CERT1: variants seen among roughly 807,000 people sequenced by gnomAD.
CERT1 encodes the protein ceramide transporter 1, also known as ceramide transfer protein.
Under a neutral mutation model 87.9 loss-of-function variants are expected in CERT1, and 31 were observed. The observed-to-expected ratio is 0.35, with a 90% CI of 0.27 to 0.48. CERT1 has a LOEUF of 0.48. Ranked by LOEUF, CERT1 falls within the 20% of genes least tolerant of loss-of-function variation. CERT1 has a pLI of 0.99. For missense variants in CERT1, 487 were observed against 758.0 expected, an observed-to-expected ratio of 0.64 and a Z score of 4.20; for synonymous variants, 289 against 250.9, an observed-to-expected ratio of 1.15 and a Z score of -1.44.
intron 5 of CERT1, among the ~76,000 whole-genome samples, chr5:75,421,572 T>C (rs1344704543): frequency 6.6e-6 from 1 of 152,154 alleles, no homozygotes; most frequent in Non-Finnish European, 1.5e-5. Flanking sequence ...ATGAGTAAGA[T>C]CTCATATGCT....
chr5:75,388,442 T>C (rs2112025734), intron 12 of CERT1, among the ~76,000 whole-genome samples: 1 of 151,958 alleles, frequency 6.6e-6, no homozygotes, highest in African/African-American at 2.4e-5. Flanking sequence ...GTCACAACTT[T>C]CTTTTTAATT....
chr5:75,479,513 C>A (rs1766127574), intron 2 of CERT1, among the ~76,000 whole-genome samples: 1 of 152,120 alleles, frequency 6.6e-6, no homozygotes, highest in Non-Finnish European at 1.5e-5. Context: ...GAGTTCCCAC[C>A]ATTTAGTTCC....
At chr5:75,477,417 T>G (rs1263534305) in intron 2 of CERT1, among the ~76,000 whole-genome samples, 2 of 151,884 alleles carry the variant, frequency 1.3e-5, no homozygotes, top group African/African-American at 4.8e-5. Flanking sequence ...GGTTTTCTAC[T>G]CTCTGTTGTG....
intron 2 of CERT1, among the ~76,000 whole-genome samples, chr5:75,461,414 G>A (rs1227749325): frequency 1.3e-5 from 2 of 152,120 alleles, no homozygotes; most frequent in Non-Finnish European, 2.9e-5. Context: ...CCCACTACAT[G>A]GAAAAATTGT....
chr5:75,437,753 G>A (rs1328829351), intron 3 of CERT1, among the ~76,000 whole-genome samples: 2 of 143,786 alleles, frequency 1.4e-5, no homozygotes, highest in Non-Finnish European at 3.0e-5. Flanking sequence ...GCAACAGAGT[G>A]AGACTCTGTC....
chr5:75,438,683 G>A (rs1764191483), intron 3 of CERT1, among the ~76,000 whole-genome samples: 1 of 152,030 alleles, frequency 6.6e-6, no homozygotes, highest in African/African-American at 2.4e-5. Context: ...TACTATAGGA[G>A]TATTTTTCCA....
chr5:75,404,291 T>TAAAA (rs11349407), intron 8 of CERT1, among the ~76,000 whole-genome samples: 210 of 83,610 alleles, frequency 2.5e-3, no homozygotes, highest in Middle Eastern at 8.5e-3. Flanking sequence ...ACCTACTTCA[T>TAAAA]AAAAAAAAAA....
rs368768955 is a variant in CERT1 at position 75,417,931 on chromosome 5, C to G, written c.680-898G>C. 2.6e-5 allele frequency among the ~76,000 whole-genome samples: 4 copies of G among 152,276 alleles called. No individual in the cohort carries two copies. The East Asian group carries it at 7.7e-4, about 29-fold the overall frequency. On this transcript the variant is annotated intron_variant, in intron 6 of 16. Coordinates refer to ENST00000643780, the MANE Select transcript of CERT1 (RefSeq NM_001379029.1). ...CAGCACTTTGGGAGGCCAAGGCGGG[C>G]GGATCACCTGAAGCTGGGAGTTCGA...
At chr5:75,396,382 G>T (rs1021865155) in intron 11 of CERT1, among the ~76,000 whole-genome samples, 1 of 152,072 alleles carries the variant, frequency 6.6e-6, no homozygotes, top group Admixed American at 6.6e-5. Flanking sequence ...AAAGAATTTG[G>T]TTACCTCCCA....
At chr5:75,477,178 G>C (rs1371440903) in intron 2 of CERT1, among the ~76,000 whole-genome samples, 1 of 152,050 alleles carries the variant, frequency 6.6e-6, no homozygotes, top group Non-Finnish European at 1.5e-5. Flanking sequence ...TTTTTATTTG[G>C]AGAGTTGGTT....
At chr5:75,465,115 T>C (rs539132027) in intron 2 of CERT1, among the ~76,000 whole-genome samples, 3 of 152,300 alleles carry the variant, frequency 2.0e-5, no homozygotes, top group African/African-American at 7.2e-5. Context: ...AGTTTATATA[T>C]ACAATTCTGA....
chr5:75,371,730 T>C (rs1053002057), intron 17 of CERT1: 4 of 152,210 alleles, frequency 2.6e-5, no homozygotes, highest in Non-Finnish European at 5.9e-5. Flanking sequence ...GTTTCTAACA[T>C]AGCACAAAAG....
chr5:75,433,928 A>T (rs1303894578), intron 3 of CERT1, among the ~76,000 whole-genome samples: 1 of 152,140 alleles, frequency 6.6e-6, no homozygotes, highest in East Asian at 1.9e-4. Context: ...AATAATATTT[A>T]TTATCTGTGA....
intron 7 of CERT1, among the ~76,000 whole-genome samples, chr5:75,411,695 AAAAAG>A (rs1235965153): frequency 1.2e-4 from 19 of 152,190 alleles, no homozygotes; most frequent in Admixed American, 5.2e-4. Context: ...ATGTATACTT[AAAAAG>A]AAAAGAAAAG....
At chr5:75,417,211 C>T (rs567127598) in intron 6 of CERT1, among the ~76,000 whole-genome samples, 178 bp from the exon 7 acceptor site, 2 of 152,256 alleles carry the variant, frequency 1.3e-5, no homozygotes, top group South Asian at 2.1e-4. Flanking sequence ...AAAGAAGCTT[C>T]GTGGCAGCAT....
At chr5:75,427,350 G>T (rs760231108) in intron 3 of CERT1, among the ~76,000 whole-genome samples, 3 of 152,182 alleles carry the variant, frequency 2.0e-5, no homozygotes, top group Non-Finnish European at 2.9e-5. Context: ...TGTAATCCCA[G>T]AACTTTGGGA....
At chr5:75,459,611 C>A (rs1765142128) in intron 2 of CERT1, among the ~76,000 whole-genome samples, 1 of 152,092 alleles carries the variant, frequency 6.6e-6, no homozygotes, top group Non-Finnish European at 1.5e-5. Flanking sequence ...CTCATGCCTC[C>A]CAACTGGGAC....
Position 75,493,784 on chromosome 5 carries a change from G to A in CERT1, c.231+12198C>T, listed in dbSNP as rs950557846. Among the ~76,000 whole-genome samples the A allele has an allele frequency of 2.6e-5, 4 of 151,942 alleles. No homozygotes were observed. The East Asian group carries it at 7.7e-4, about 29-fold the overall frequency. ...GTTCTCTCTGCCTGGAGCTCCTACT[G>A]TTCAGATGTTAGAACTCCTGGATTA... On this transcript the variant is annotated intron_variant, in intron 2 of 16. Coordinates refer to ENST00000643780, the MANE Select transcript of CERT1 (RefSeq NM_001379029.1).
intron 12 of CERT1, among the ~76,000 whole-genome samples, chr5:75,387,229 C>G (rs1219398204): frequency 6.6e-6 from 1 of 152,142 alleles, no homozygotes; most frequent in African/African-American, 2.4e-5. Context: ...AATCTATTGA[C>G]ACCATGGCAC....
Sources: allele counts gnomAD v4.1 joint callset (sites outside exome capture counted in the v4.1 genomes callset), GRCh38; gene constraint gnomAD v4.1.1; transcripts MANE v1.5; gene names NCBI Gene and HGNC (gene_info 2026-07-23, HGNC 2026-07-21).